The following LTBP2 variants were observed in gnomAD, a reference collection of about 807,000 sequenced individuals.
LTBP2 encodes latent-transforming growth factor beta-binding protein 2.
Under a neutral mutation model 210.6 loss-of-function variants are expected in LTBP2, and 103 were observed. The observed-to-expected ratio is 0.49, with a 90% CI of 0.42 to 0.58. The LOEUF is 0.58. Among genes scored for constraint, LTBP2 ranks in the 20% least tolerant of loss-of-function variants. LTBP2 has a pLI of 0.00. For synonymous variants in LTBP2, 1,007 were observed against 1,015.0 expected, an observed-to-expected ratio of 0.99 and a Z score of 0.15; for missense variants, 2,313 against 2,494.5, an observed-to-expected ratio of 0.93 and a Z score of 1.55.
rs1595235590 is a variant in LTBP2 at position 74,501,720 on chromosome 14, A to G, written c.5171-130T>C. 6.1e-6 allele frequency: 7 copies of G among 1,144,928 alleles called. No homozygotes were observed. The East Asian group carries it at 1.7e-4, about 28-fold the overall frequency. The allele number at this position is 1,144,928 out of a possible 1,614,324, so 70.9% of individuals were successfully genotyped here. On this transcript the variant is annotated intron_variant, in intron 34 of 35. Coordinates refer to ENST00000261978, the MANE Select transcript of LTBP2 (RefSeq NM_000428.3). ...TGTGGGGGTGGGGGCAGAGAGGATC[A>G]TAAAATTCTTGTGGAAAGATGCTAG...
Position 74,499,367 on chromosome 14 carries a change from A to G in LTBP2, c.*1517T>C. The G allele has an allele frequency of 4.5e-6, 1 of 223,032 alleles. No homozygotes were observed. The highest frequency in any genetic ancestry group is 9.0e-6 in the Non-Finnish European group (1 of 111,346). The allele number at this position is 223,032 out of a possible 1,614,324, so 13.8% of individuals were successfully genotyped here. ...CCTCACCTGTAAATTGAGAATAAAC[A>G]ATAGTAAGTAGGATTATTGGATAAT... On this transcript the variant is annotated 3_prime_UTR_variant, in exon 36 of 36. Coordinates refer to ENST00000261978, the MANE Select transcript of LTBP2 (RefSeq NM_000428.3).
intron 24 of LTBP2, 120 bp downstream of exon 24, chr14:74,508,484 G>A (rs546714723): frequency 6.6e-7 from 1 of 1,511,332 alleles, no homozygotes; most frequent in South Asian, 1.2e-5. Context: ...CTCAGTACTG[G>A]TATTAAAAGG....
At chr14:74,508,999 C>T in intron 22 of LTBP2, 47 bp from the exon 23 acceptor site, 1 of 1,609,806 alleles carries the variant, frequency 6.2e-7, no homozygotes, top group Non-Finnish European at 8.5e-7. Context: ...CAGCACCTCC[C>T]AAGGACAGGA....
chr14:74,521,876 G>C lies in LTBP2; in HGVS notation c.2788+35C>G, dbSNP rs779872174. 7 of 1,613,204 alleles carry C rather than the reference G, an allele frequency of 4.3e-6. No homozygotes were observed. The Admixed American group carries it at 1.0e-4, about 23-fold the overall frequency. On this transcript the variant is annotated intron_variant, in intron 17 of 35. Transcript: ENST00000261978. ...CCTCTTCCACCCCCTCAAGACTGTG[G>C]GGCCTGGCCAAGGGCAAGGGCGGGC...
intron 18 of LTBP2, among the ~76,000 whole-genome samples, chr14:74,515,835 T>C (rs1289838567): frequency 6.6e-6 from 1 of 152,098 alleles, no homozygotes; most frequent in Non-Finnish European, 1.5e-5. Flanking sequence ...TGGGTAGGCC[T>C]GAGTTTTAAA....
At chr14:74,524,006 G>A (rs111265033) in intron 15 of LTBP2, among the ~76,000 whole-genome samples, 55 of 152,258 alleles carry the variant, frequency 3.6e-4, no homozygotes, top group African/African-American at 1.3e-3. Context: ...GGTCCTAAAT[G>A]TCTGCCCAGA....
chr14:74,583,517 A>G (rs1566649064), intron 3 of LTBP2, among the ~76,000 whole-genome samples: 1 of 152,240 alleles, frequency 6.6e-6, no homozygotes, highest in Non-Finnish European at 1.5e-5. Flanking sequence ...GCAGCTCATT[A>G]AGAACATCAC....
intron 10 of LTBP2, among the ~76,000 whole-genome samples, chr14:74,530,674 C>A (rs1283447347): frequency 6.6e-6 from 1 of 152,156 alleles, no homozygotes. Context: ...CACCACCACG[C>A]CTGGCTAATT....
intron 1 of LTBP2, among the ~76,000 whole-genome samples, chr14:74,606,088 C>T (rs941274261): frequency 6.6e-6 from 1 of 152,152 alleles, no homozygotes. Flanking sequence ...CACTCTGACT[C>T]CCTAGAAGGT....
At chr14:74,536,049 C>A (rs1283784246) in intron 8 of LTBP2, 49 bp from the exon 9 acceptor site, 1 of 1,516,318 alleles carries the variant, frequency 6.6e-7, no homozygotes, top group East Asian at 2.3e-5. Flanking sequence ...CCCTGGGCTC[C>A]TCTGTCACCC....
chr14:74,523,603 T>C lies in LTBP2; in HGVS notation c.2531-685A>G, dbSNP rs116271289. Reference sequence around the variant, plus strand: ...GGGAGACAGGTACAGAATTGAGAAATAGTTTGGAGGCAGACTCACTGGGAC... The same window carrying C: ...GGGAGACAGGTACAGAATTGAGAAACAGTTTGGAGGCAGACTCACTGGGAC... On this transcript the variant is annotated intron_variant, in intron 15 of 35. Transcript: ENST00000261978. 4.4e-3 allele frequency among the ~76,000 whole-genome samples: 666 copies of C among 152,068 alleles called. 9 individuals carry two copies. The highest frequency in any genetic ancestry group is 0.015 in the African/African-American group (615 of 41,470).
intron 4 of LTBP2, among the ~76,000 whole-genome samples, chr14:74,554,147 C>T (rs1443338453): frequency 1.3e-5 from 2 of 152,050 alleles, no homozygotes; most frequent in South Asian, 2.1e-4. Flanking sequence ...TGAAAGGAAT[C>T]GTCAACCATG....
intron 17 of LTBP2, among the ~76,000 whole-genome samples, chr14:74,521,274 A>C (rs1235601449): frequency 1.3e-5 from 2 of 152,250 alleles, no homozygotes; most frequent in Non-Finnish European, 2.9e-5. Context: ...TGGATTATGA[A>C]TCTTAAGGTG....
intron 1 of LTBP2, among the ~76,000 whole-genome samples, chr14:74,607,232 C>G (rs2088538874): frequency 6.6e-6 from 1 of 152,164 alleles, no homozygotes; most frequent in Non-Finnish European, 1.5e-5. Flanking sequence ...CCACGTCCTC[C>G]CCTCAACACA....
At chr14:74,578,177 T>A (rs1218690890) in intron 3 of LTBP2, among the ~76,000 whole-genome samples, 1 of 152,066 alleles carries the variant, frequency 6.6e-6, no homozygotes, top group East Asian at 1.9e-4. Context: ...TTTCCCCAGC[T>A]ATAAGCCCAG....
At chr14:74,533,679 G>A (rs886692484) in intron 9 of LTBP2, among the ~76,000 whole-genome samples, 6 of 152,172 alleles carry the variant, frequency 3.9e-5, no homozygotes, top group South Asian at 2.1e-4. Flanking sequence ...CAGGCTGCAC[G>A]CATCCCCCCG....
At chr14:74,528,440 G>T (rs2087303318) in intron 12 of LTBP2, 43 bp downstream of exon 12, 1 of 1,605,902 alleles carries the variant, frequency 6.2e-7, no homozygotes, top group Non-Finnish European at 8.5e-7. Flanking sequence ...TGGAAACTTA[G>T]GGGAAAGGAA....
intron 8 of LTBP2, among the ~76,000 whole-genome samples, chr14:74,540,801 AT>A (rs2087485709): frequency 1.8e-4 from 3 of 16,876 alleles, no homozygotes; most frequent in Non-Finnish European, 3.0e-3. Context: ...ATATTTATAT[AT>A]ATATATAATA....
intron 1 of LTBP2, among the ~76,000 whole-genome samples, chr14:74,608,578 C>T (rs2088559760): frequency 1.3e-5 from 2 of 151,836 alleles, no homozygotes; most frequent in East Asian, 1.9e-4. Flanking sequence ...GGTGTGGTGA[C>T]GTGCGCCCAT....
Sources: gnomAD v4.1 joint callset for allele counts (sites outside exome capture counted in the v4.1 genomes callset) on GRCh38, gnomAD v4.1.1 for gene constraint, MANE v1.5 for transcripts, NCBI Gene and HGNC (gene_info 2026-07-23, HGNC 2026-07-21) for gene names.